The following INPPL1 variants were observed in gnomAD, a reference collection of about 807,000 sequenced individuals.
INPPL1 encodes the protein inositol polyphosphate phosphatase like 1, also known as phosphatidylinositol 3,4,5-trisphosphate 5-phosphatase 2.
INPPL1 carries 91 observed loss-of-function variants against 139.3 expected under a neutral mutation model. The ratio of observed to expected loss-of-function variants is 0.65; its 90% confidence interval spans 0.55 to 0.78. INPPL1 has a LOEUF of 0.78. Among genes scored for constraint, INPPL1 ranks in the 30% least tolerant of loss-of-function variants. The pLI, the probability that INPPL1 is intolerant of heterozygous loss-of-function variation, is 0.00. For missense variants in INPPL1, 1,411 were observed against 1,665.6 expected, an observed-to-expected ratio of 0.85 and a Z score of 2.66; for synonymous variants, 719 against 686.6, an observed-to-expected ratio of 1.05 and a Z score of -0.74.
At position 72,228,533 on chromosome 11, in the gene INPPL1, T is replaced by C; in HGVS notation, c.397+35T>C. 6.3e-7 allele frequency: 1 copy of C among 1,597,866 alleles called. No homozygotes were observed. Among genetic ancestry groups the C allele is most frequent in the Non-Finnish European group, 8.5e-7 (1 of 1,177,542 alleles). Reference sequence around the variant, plus strand: ...AGTGTGCAGGTCCCCTCCCTGCCCCTGTCCCTTGGCTCTACCTGCCTCTTC... The same window carrying C: ...AGTGTGCAGGTCCCCTCCCTGCCCCCGTCCCTTGGCTCTACCTGCCTCTTC... On this transcript the variant is annotated intron_variant, in intron 3 of 27. Coordinates refer to ENST00000298229, the MANE Select transcript of INPPL1 (RefSeq NM_001567.4). This position sits in a 1 kb window ranked among gnomAD's most constrained non-coding sequence, Gnocchi z 5.0.
Position 72,230,004 on chromosome 11 carries a change from C to T in INPPL1, c.924C>T (p.Pro308=), listed in dbSNP as rs749984847. 26 of 1,614,098 alleles carry T rather than the reference C, an allele frequency of 1.6e-5. No individual in the cohort carries two copies. Among genetic ancestry groups the T allele is most frequent in the Admixed American group, 1.0e-4 (6 of 60,006 alleles). ...QPSTRKAKTI[P]VQAFEVKLDV... ...CCACACGTAAGGCCAAGACCATCCC[C>T]GTGCAGGCCTTTGAGGTACATGGCA... is the stretch of plus-strand genomic sequence containing the variant. Residue 308 remains proline, a synonymous_variant, in exon 8 of 28, where the codon CCC becomes CCT. Transcript: ENST00000298229.
At chr11:72,236,358 T>C (rs546621145) in intron 25 of INPPL1, among the ~76,000 whole-genome samples, 8 of 152,364 alleles carry the variant, frequency 5.3e-5, no homozygotes, top group Admixed American at 2.6e-4. Flanking sequence ...GAGGCCCCAG[T>C]TGAAATGGGT....
chr11:72,227,788 A>G, intron 1 of INPPL1: 1 of 287,182 alleles, frequency 3.5e-6, no homozygotes, highest in East Asian at 8.6e-5. Flanking sequence ...ACGTGTTAGC[A>G]CGTTGCCCGT....
At position 72,230,981 on chromosome 11, in the gene INPPL1, C is replaced by G; in HGVS notation, c.1301-12C>G. On this transcript the variant is annotated splice_polypyrimidine_tract_variant and intron_variant, in intron 11 of 27. Coordinates refer to ENST00000298229, the MANE Select transcript of INPPL1 (RefSeq NM_001567.4). Reference sequence around the variant, plus strand: ...AACCCCTCCAGACCCACCTCACCCCCTTCACCTCCAGGAAGTGTACCACCT... The same window carrying G: ...AACCCCTCCAGACCCACCTCACCCCGTTCACCTCCAGGAAGTGTACCACCT... The G allele has an allele frequency of 1.2e-6, 2 of 1,612,480 alleles. No homozygotes were observed. Among genetic ancestry groups the G allele is most frequent in the Non-Finnish European group, 8.5e-7 (1 of 1,178,916 alleles).
chr11:72,233,500 T>G lies in INPPL1; in HGVS notation c.2100T>G (p.Thr700=). Residue 700 remains threonine (T), a synonymous_variant, in exon 18 of 28, where the codon ACT becomes ACG. Coordinates refer to ENST00000298229, the MANE Select transcript of INPPL1 (RefSeq NM_001567.4). The part of the protein sequence containing the change: ...DRILWKSYPE[T]HIICNSYGCT... ...TTCTGTGGAAATCCTACCCTGAAAC[T>G]CACATCATCTGCAATTCTTATGGTC... 1 of 1,614,054 alleles carries G rather than the reference T, an allele frequency of 6.2e-7. No homozygotes were observed. Among genetic ancestry groups the G allele is most frequent in the Non-Finnish European group, 8.5e-7 (1 of 1,179,998 alleles).
rs997248632 is a variant in INPPL1 at position 72,224,835 on chromosome 11, G to A, written c.-150G>A. 256 of 360,284 alleles carry A rather than the reference G, an allele frequency of 7.1e-4. No homozygotes were observed. The highest frequency in any genetic ancestry group is 9.2e-4 in the Non-Finnish European group (231 of 251,592). 22.3% of individuals were successfully genotyped at this position (360,284 alleles called of 1,614,324 possible). On this transcript the variant is annotated 5_prime_UTR_variant, in exon 1 of 28. Transcript: ENST00000298229. Reference sequence around the variant, plus strand: ...GCGCGGTGAACGAGGCGGCCTGCGCGGCGGAGTGCTGAGTCCCGATCCCCG... The same window carrying A: ...GCGCGGTGAACGAGGCGGCCTGCGCAGCGGAGTGCTGAGTCCCGATCCCCG...
At position 72,237,105 on chromosome 11, in the gene INPPL1, G is replaced by C. The variant is rs201534395; in HGVS notation, c.2880-19G>C. ...TGGGTTCCTGGATCCTGGCTTAGTCGTTCTGCTTCCACACCCAGGTTGAAG... is the reference window on the plus strand; with the variant it reads ...TGGGTTCCTGGATCCTGGCTTAGTCCTTCTGCTTCCACACCCAGGTTGAAG... On this transcript the variant is annotated intron_variant, in intron 25 of 27. Coordinates refer to ENST00000298229, the MANE Select transcript of INPPL1 (RefSeq NM_001567.4). 1.3e-6 allele frequency: 2 copies of C among 1,555,944 alleles called. No homozygotes were observed. Among genetic ancestry groups the C allele is most frequent in the South Asian group, 1.2e-5 (1 of 83,900 alleles).
chr11:72,233,660 A>G lies in INPPL1; in HGVS notation c.2128A>G (p.Thr710Ala), dbSNP rs1948900188. ...THIICNSYGC[T>A]DDIVTSDHSP... ...TTCCTATCCCCTCTCCCCAGGTTGC[A>G]CTGATGACATCGTCACCAGCGACCA... The change falls in exon 19 of 28, where the codon ACT (threonine) becomes GCT (alanine). Residue 710 changes from threonine to alanine, a missense_variant. Transcript: ENST00000298229. The G allele has an allele frequency of 3.1e-6, 5 of 1,614,000 alleles. No individual in the cohort carries two copies. The highest frequency in any genetic ancestry group is 4.2e-6 in the Non-Finnish European group (5 of 1,179,938).
intron 5 of INPPL1, 32 bp from the exon 6 acceptor site, chr11:72,229,433 T>C (rs1486866182): frequency 6.3e-7 from 1 of 1,595,178 alleles, no homozygotes; most frequent in East Asian, 2.2e-5. Flanking sequence ...TAGGTCGGGG[T>C]GGGAGTTCTT....
chr11:72,230,891 G>A lies in INPPL1; in HGVS notation c.1293G>A (p.Trp431Ter), dbSNP rs1948814205. The change falls in exon 11 of 28, where the codon TGG becomes TGA. Residue 431 changes from tryptophan to a stop codon, truncating the protein, a stop_gained. Coordinates refer to ENST00000298229, the MANE Select transcript of INPPL1 (RefSeq NM_001567.4). LOFTEE classifies it high-confidence loss of function. The stretch of plus-strand genomic sequence containing the variant: ...TGATCTCAGTCTTCATAGGCACCTG[G>A]AACATGGGTCAGGCCCGGGCTGGGG... ...PDMISVFIGT[W>*]NMGSVPPPKN... 1 of 1,614,090 alleles carries A rather than the reference G, an allele frequency of 6.2e-7. No homozygotes were observed.
At position 72,234,736 on chromosome 11, in the gene INPPL1, T is replaced by A. The variant is rs57578058; in HGVS notation, c.2415+121T>A. 0.014 allele frequency: 5,892 copies of A among 433,632 alleles called. 46 individuals are homozygous for A. The highest frequency in any genetic ancestry group is 0.038 in the African/African-American group (1,697 of 44,328). 26.9% of individuals were successfully genotyped at this position (433,632 alleles called of 1,614,324 possible). A position where few individuals can be genotyped will look rare whatever the true frequency, so the allele number is the denominator to read the frequency against. Reference sequence around the variant, plus strand: ...CCAGCAGAGAGAGAGAGAGAGAGTGTGTGTGTGTGTGTGTGTGTGTGTGTG... The same window carrying A: ...CCAGCAGAGAGAGAGAGAGAGAGTGAGTGTGTGTGTGTGTGTGTGTGTGTG... On this transcript the variant is annotated intron_variant, in intron 21 of 27. Coordinates refer to ENST00000298229, the MANE Select transcript of INPPL1 (RefSeq NM_001567.4). This position sits in a 1 kb window ranked among gnomAD's most constrained non-coding sequence, Gnocchi z 4.2.
In INPPL1 at chr11:72,232,815, C is replaced by T. The variant is rs1201793114; in HGVS notation, c.1851+51C>T. ...GTAGGGAGGCTAAGGGCCACATGGG[C>T]TATCACCCCTGGCTCTGGCTCCGGA... On this transcript the variant is annotated intron_variant, in intron 15 of 27. Coordinates refer to ENST00000298229, the MANE Select transcript of INPPL1 (RefSeq NM_001567.4). 3.1e-6 allele frequency: 5 copies of T among 1,613,716 alleles called. No homozygotes were observed. In the South Asian group the frequency reaches 4.4e-5, roughly 14 times the overall value.
In INPPL1 at chr11:72,238,305, C is replaced by G. The variant is rs766290559; in HGVS notation, c.3729C>G (p.Asp1243Glu). The part of the protein sequence containing the change: ...EEDLEEAGVQ[D>E]PAHKRLLLDT... ...ACTTGGAGGAGGCTGGGGTGCAGGA[C>G]CCGGCTCACAAGCGCCTCCTTCTGG... The change falls in exon 28 of 28, where the codon GAC becomes GAG. Residue 1243 changes from aspartate (D) to glutamate (E), a missense_variant. This residue lies in a region of INPPL1 where 438 missense variants were observed against 425.7 expected (regional missense o/e 1.03). Transcript: ENST00000298229. 5.0e-6 allele frequency: 8 copies of G among 1,599,000 alleles called. No individual in the cohort carries two copies. The highest frequency in any genetic ancestry group is 6.8e-6 in the Non-Finnish European group (8 of 1,173,938).
Position 72,231,171 on chromosome 11 carries a change from G to A in INPPL1, c.1479G>A (p.Thr493=). 3.1e-6 allele frequency: 5 copies of A among 1,612,706 alleles called. No individual in the cohort carries two copies. The highest frequency in any genetic ancestry group is 1.1e-5 in the South Asian group (1 of 91,050). ...TGCGCGGGGGCCTCAAGGAGCTTAC[G>A]GATCTGGATTACCGCCCGGTGAGGG... ...DLLRGGLKEL[T]DLDYRPIAMQ... Residue 493 remains threonine (T), a synonymous_variant, in exon 12 of 28, where the codon ACG becomes ACA. Transcript: ENST00000298229.
rs371789725 is a variant in INPPL1 at position 72,229,117 on chromosome 11, G to A, written c.546G>A (p.Ser182=). 4.8e-5 allele frequency: 78 copies of A among 1,613,314 alleles called. No homozygotes were observed. Among genetic ancestry groups the A allele is most frequent in the East Asian group, 8.9e-5 (4 of 44,878 alleles). ...CTCCCAATGGGCTGAGCACCGTCTC[G>A]CACGACTACCTGAAAGGCAGCTATG... The part of the protein sequence containing the change: ...ESAPNGLSTV[S]HDYLKGSYGL... The change falls in exon 5 of 28, where the codon TCG becomes TCA. Residue 182 remains serine (S), a synonymous_variant. Coordinates refer to ENST00000298229, the MANE Select transcript of INPPL1 (RefSeq NM_001567.4).
chr11:72,233,582 C>A lies in INPPL1; in HGVS notation c.2122+60C>A. 6 of 1,605,728 alleles carry A rather than the reference C, an allele frequency of 3.7e-6. No homozygotes were observed. In the South Asian group the frequency reaches 6.6e-5, roughly 18 times the overall value. ...GGGGTGGTCACCATCTGGACTCTGC[C>A]CTAACCTTGGGAGGTGGGAGCCGAG... On this transcript the variant is annotated intron_variant, in intron 18 of 27. Transcript: ENST00000298229.
Position 72,234,384 on chromosome 11 carries a change from C to G in INPPL1, c.2316C>G (p.Thr772=), listed in dbSNP as rs1453827218. Residue 772 remains threonine, a synonymous_variant, in exon 20 of 28, where the codon ACC becomes ACG. Coordinates refer to ENST00000298229, the MANE Select transcript of INPPL1 (RefSeq NM_001567.4). The surrounding 1 kb of genome is among the most constrained non-coding windows in gnomAD (Gnocchi z 4.2). The stretch of plus-strand genomic sequence containing the variant: ...AGTTCTTCATCGAGTTCTACTCTAC[C>G]TGCCTGGAGGGTCAGAGGCGTGGCA... The part of the protein sequence containing the change: ...RTKFFIEFYS[T]CLEEYKKSFE... 1.2e-6 allele frequency: 2 copies of G among 1,613,870 alleles called. No homozygotes were observed. Among genetic ancestry groups the G allele is most frequent in the South Asian group, 2.2e-5 (2 of 91,082 alleles).
In INPPL1 at chr11:72,233,707, T is replaced by G; in HGVS notation, c.2175T>G (p.Phe725Leu). The change falls in exon 19 of 28, where the codon TTT (phenylalanine) becomes TTG (leucine). Residue 725 changes from phenylalanine (F) to leucine (L), a missense_variant. By Grantham distance (22) the Phe-to-Leu change is conservative. Around this residue, in one of 5 missense-constraint regions of INPPL1, gnomAD observed 363 missense variants for 446.2 expected, o/e 0.81. Transcript: ENST00000298229. ...ACCATTCCCCCGTGTTTGGGACATT[T>G]GAGGTTGGAGTTACCTCCCAGTTCA... Reference protein sequence around the residue: ...TSDHSPVFGTFEVGVTSQFIS... With the variant: ...TSDHSPVFGTLEVGVTSQFIS... 1 of 1,614,178 alleles carries G rather than the reference T, an allele frequency of 6.2e-7. No homozygotes were observed. The highest frequency in any genetic ancestry group is 8.5e-7 in the Non-Finnish European group (1 of 1,180,030).
intron 1 of INPPL1, among the ~76,000 whole-genome samples, chr11:72,226,887 C>G (rs950050509): frequency 1.3e-5 from 2 of 151,988 alleles, no homozygotes; most frequent in Middle Eastern, 6.8e-3. Flanking sequence ...ATTATTGTCC[C>G]AGGAGGGGGA....
Sources: allele counts gnomAD v4.1 joint callset (sites outside exome capture counted in the v4.1 genomes callset), GRCh38; gene constraint gnomAD v4.1.1; regional missense constraint gnomAD v4.1.1; non-coding constraint Gnocchi (gnomAD v3.1); transcripts MANE v1.5; gene names NCBI Gene and HGNC (gene_info 2026-07-23, HGNC 2026-07-21).